WEE2: variants seen among roughly 807,000 people sequenced by gnomAD.
WEE2 encodes wee1-like protein kinase 2.
WEE2 carries 50 observed loss-of-function variants against 60.1 expected under a neutral mutation model. The ratio of observed to expected loss-of-function variants is 0.83; its 90% CI spans 0.66 to 1.05. The LOEUF is 1.05. Ranked by LOEUF, WEE2 falls within the 50% of genes least tolerant of loss-of-function variation. WEE2 has a pLI of 0.00. For missense variants in WEE2, 631 were observed against 684.3 expected (o/e 0.92, Z 0.87); for synonymous variants, 240 against 241.0 (o/e 1.00, Z 0.04).
rs1339224381 is a variant in WEE2, at chr7:141,709,076, C to T, written c.318C>T (p.Pro106=). The part of the protein sequence containing the change: ...AQPDSRSKLL[P]SDSPSTPKTM... Reference sequence around the variant, plus strand: ...CAGACAGCAGGAGCAAGCTGCTGCCCAGTGACAGCCCCTCTACTCCCAAAG... The same window carrying T: ...CAGACAGCAGGAGCAAGCTGCTGCCTAGTGACAGCCCCTCTACTCCCAAAG... The change falls in exon 1 of 12, where the codon CCC becomes CCT. Residue 106 remains proline, a synonymous_variant. Coordinates refer to ENST00000397541, the MANE Select transcript of WEE2 (RefSeq NM_001105558.1). 14 of 1,613,744 alleles carry T rather than the reference C, an allele frequency of 8.7e-6. No individual in the cohort carries two copies. Among genetic ancestry groups the T allele is most frequent in the African/African-American group, 1.3e-5 (1 of 75,006 alleles).
intron 1 of WEE2, 63 bp downstream of exon 1, chr7:141,709,163 C>T (rs1415930718): frequency 1.4e-6 from 2 of 1,383,194 alleles, no homozygotes; most frequent in East Asian, 4.6e-5. Flanking sequence ...TGTAGTTTAG[C>T]TGATAGAGTG....
chr7:141,709,591 A>C (rs1312143388), intron 1 of WEE2, among the ~76,000 whole-genome samples: 1 of 152,224 alleles, frequency 6.6e-6, no homozygotes, highest in Admixed American at 6.5e-5. Context: ...TTTCTAATAT[A>C]AGAACGTCCA....
intron 1 of WEE2, among the ~76,000 whole-genome samples, chr7:141,713,258 G>A (rs1353330831): frequency 6.6e-6 from 1 of 152,168 alleles, no homozygotes; most frequent in Non-Finnish European, 1.5e-5. Context: ...GGGCAGAGAT[G>A]ATCAGAACTG....
At chr7:141,727,207 A>G in intron 9 of WEE2, 97 bp from the exon 10 acceptor site, 2 of 1,348,610 alleles carry the variant, frequency 1.5e-6, no homozygotes, top group South Asian at 2.8e-5. Flanking sequence ...GTCTTACAAA[A>G]TCCACCAGGA....
chr7:141,724,051 T>G lies in WEE2; in HGVS notation c.1135+3T>G. On this transcript the variant is annotated splice_donor_region_variant and intron_variant, in intron 7 of 11. Coordinates refer to ENST00000397541, the MANE Select transcript of WEE2 (RefSeq NM_001105558.1). ...TGCCAATGTGATGTATAAAATTGGT[T>G]AGTCTGCCTTATAGCCTTACCAGTT... 6.2e-7 allele frequency: 1 copy of G among 1,604,368 alleles called. No individual in the cohort carries two copies. Among genetic ancestry groups the G allele is most frequent in the Non-Finnish European group, 8.5e-7 (1 of 1,172,314 alleles).
chr7:141,719,842 G>A (rs1798874790), intron 4 of WEE2, among the ~76,000 whole-genome samples: 1 of 152,092 alleles, frequency 6.6e-6, no homozygotes, highest in South Asian at 2.1e-4. Context: ...GAATAGATTT[G>A]TGGAATTGTC....
At position 141,708,990 on chromosome 7, in the gene WEE2, G is replaced by A. The variant is rs542074598; in HGVS notation, c.232G>A (p.Asp78Asn). 3.1e-6 allele frequency: 5 copies of A among 1,613,996 alleles called. No homozygotes were observed. Among genetic ancestry groups the A allele is most frequent in the Non-Finnish European group, 4.2e-6 (5 of 1,180,030 alleles). ...TTCGGAAAAAGACAAAGAAAGTCCAGATCAGATTTTGAGGACTCCAGTGTC... is the reference window on the plus strand; with the variant it reads ...TTCGGAAAAAGACAAAGAAAGTCCAAATCAGATTTTGAGGACTCCAGTGTC... ...TSSEKDKESP[D>N]QILRTPVSHP... is the part of the protein sequence containing the mutation. The change falls in exon 1 of 12, where the codon GAT (aspartate) becomes AAT (asparagine). Residue 78 changes from aspartate (D) to asparagine (N), a missense_variant. Asp to Asn is a conservative substitution (Grantham distance 23, BLOSUM62 1). Transcript: ENST00000397541.
chr7:141,724,292 T>G lies in WEE2; in HGVS notation c.1221+17T>G. The G allele has an allele frequency of 6.3e-7, 1 of 1,591,952 alleles. No individual in the cohort carries two copies. The highest frequency in any genetic ancestry group is 1.1e-5 in the South Asian group (1 of 87,200). On this transcript the variant is annotated intron_variant, in intron 8 of 11. Coordinates refer to ENST00000397541, the MANE Select transcript of WEE2 (RefSeq NM_001105558.1). Reference sequence around the variant, plus strand: ...TTGCAAGAGGTATAGATTAGGGAAATGGAGGGTATTTTATAATCTGTTGAA... The same window carrying G: ...TTGCAAGAGGTATAGATTAGGGAAAGGGAGGGTATTTTATAATCTGTTGAA...
At chr7:141,729,914 G>C (rs183303044) in intron 11 of WEE2, among the ~76,000 whole-genome samples, 157 of 151,766 alleles carry the variant, frequency 1.0e-3, no homozygotes, top group South Asian at 2.3e-3. Context: ...CTTGAACCCG[G>C]GAGGTGGAGC....
chr7:141,727,139 T>A, intron 9 of WEE2, 165 bp from the exon 10 acceptor site: 1 of 676,158 alleles, frequency 1.5e-6, no homozygotes, highest in Non-Finnish European at 2.5e-6. Context: ...TGGACAATCC[T>A]CCTGCCCCAG....
intron 2 of WEE2, among the ~76,000 whole-genome samples, chr7:141,715,161 C>T (rs1322523121): frequency 2.0e-5 from 3 of 152,160 alleles, no homozygotes; most frequent in African/African-American, 7.2e-5. Flanking sequence ...CAGTCTTTGA[C>T]CAGAATAGGT....
chr7:141,721,984 A>G (rs1584743745), intron 5 of WEE2, among the ~76,000 whole-genome samples: 1 of 152,320 alleles, frequency 6.6e-6, no homozygotes, highest in African/African-American at 2.4e-5. Flanking sequence ...CACAGAATGC[A>G]TTTAAATATT....
At chr7:141,710,807 G>A (rs1798697528) in intron 1 of WEE2, among the ~76,000 whole-genome samples, 1 of 152,152 alleles carries the variant, frequency 6.6e-6, no homozygotes, top group African/African-American at 2.4e-5. Flanking sequence ...GAGTGCAAGA[G>A]ATGAGGCCAG....
Position 141,727,380 on chromosome 7 carries a change from T to TG in WEE2, c.1472dup (p.Thr493AsnfsTer39). 1.2e-6 allele frequency: 2 copies of TG among 1,614,054 alleles called. No homozygotes were observed. The highest frequency in any genetic ancestry group is 1.7e-6 in the Non-Finnish European group (2 of 1,179,962). ...AGAAATACAGTTCTCCGGCCTTCCCTGGGAAAAACAGAAGAGCTCCAACAG... is the reference window on the plus strand; with the variant it reads ...AGAAATACAGTTCTCCGGCCTTCCCTGGGGAAAAACAGAAGAGCTCCAACAG... On this transcript the variant is annotated frameshift_variant, in exon 10 of 12. Coordinates refer to ENST00000397541, the MANE Select transcript of WEE2 (RefSeq NM_001105558.1). LOFTEE classifies it high-confidence loss of function.
chr7:141,710,964 A>G (rs1798701111), intron 1 of WEE2, among the ~76,000 whole-genome samples: 1 of 152,162 alleles, frequency 6.6e-6, no homozygotes, highest in Non-Finnish European at 1.5e-5. Flanking sequence ...CTGGAGGTAG[A>G]GCAGTATTCA....
intron 3 of WEE2, among the ~76,000 whole-genome samples, chr7:141,716,856 T>C (rs998375417): frequency 1.2e-4 from 19 of 152,302 alleles, no homozygotes; most frequent in Admixed American, 1.1e-3. Context: ...AGCTCTTAAA[T>C]GTATCAATAT....
intron 9 of WEE2, among the ~76,000 whole-genome samples, chr7:141,725,535 G>A (rs1419253199): frequency 6.7e-6 from 1 of 149,626 alleles, no homozygotes; most frequent in East Asian, 2.0e-4. Context: ...TGAGACAGGA[G>A]AATGTCTTGA....
Sources: allele counts gnomAD v4.1 joint callset (sites outside exome capture counted in the v4.1 genomes callset), GRCh38; gene constraint gnomAD v4.1.1; transcripts MANE v1.5; gene names NCBI Gene and HGNC (gene_info 2026-07-23, HGNC 2026-07-21).